HMG20A: variants seen among roughly 807,000 people sequenced by gnomAD.
The protein encoded by HMG20A is high mobility group protein 20A.
Under a neutral mutation model 43.9 loss-of-function variants are expected in HMG20A, and 17 were observed. The observed-to-expected ratio is 0.39, with a 90% CI of 0.27 to 0.58. HMG20A has a LOEUF of 0.58. HMG20A is among the 20% of genes least tolerant of loss of function. The pLI, the probability that HMG20A is intolerant of heterozygous loss-of-function variation, is 0.59. For synonymous variants in HMG20A, 132 were observed against 147.5 expected (o/e 0.89, Z 0.76); for missense variants, 341 against 438.2 (o/e 0.78, Z 1.98).
chr15:77,425,534 A>G (rs1329437994), intron 1 of HMG20A, among the ~76,000 whole-genome samples: 14 of 152,224 alleles, frequency 9.2e-5, no homozygotes, highest in Admixed American at 8.5e-4. Flanking sequence ...ATAAGCATAT[A>G]TTAAGCACCT....
chr15:77,464,745 G>C (rs1346596547), intron 3 of HMG20A: 1 of 172,984 alleles, frequency 5.8e-6, no homozygotes, highest in Non-Finnish European at 1.2e-5. Context: ...GGAGCCCTAT[G>C]TGCCCAAAGG....
chr15:77,507,680 G>A, the HMG20A span, among the ~76,000 whole-genome samples: 2 of 152,162 alleles, frequency 1.3e-5, no homozygotes, highest in African/African-American at 4.8e-5. Context: ...AGCGGGCAGG[G>A]GCAGTTTTAC....
chr15:77,451,127 A>G (rs760473757), intron 1 of HMG20A, among the ~76,000 whole-genome samples: 8 of 152,192 alleles, frequency 5.3e-5, no homozygotes, highest in South Asian at 2.1e-4. Flanking sequence ...ATAATATTCT[A>G]TTATCTGAAT....
intron 1 of HMG20A, among the ~76,000 whole-genome samples, chr15:77,434,881 T>C (rs576615025): frequency 6.6e-6 from 1 of 152,272 alleles, no homozygotes; most frequent in Admixed American, 6.5e-5. Flanking sequence ...TGTTCCTAGG[T>C]ATACACCCAA....
the HMG20A span, among the ~76,000 whole-genome samples, chr15:77,498,689 T>A: frequency 6.6e-6 from 1 of 152,196 alleles, no homozygotes; most frequent in South Asian, 2.1e-4. Flanking sequence ...ATCTGTGAAA[T>A]GAAGATTTTA....
the HMG20A span, among the ~76,000 whole-genome samples, chr15:77,500,594 C>T: frequency 5.6e-5 from 8 of 143,580 alleles, no homozygotes; most frequent in African/African-American, 2.1e-4. Context: ...AAGTCCAGCT[C>T]TTGTGCTCTT....
At chr15:77,498,389 T>TG in the HMG20A span, among the ~76,000 whole-genome samples, 4 of 152,198 alleles carry the variant, frequency 2.6e-5, no homozygotes, top group East Asian at 7.7e-4. Flanking sequence ...TTGTATTTAA[T>TG]GGGGTGTTAA....
At chr15:77,510,818 G>A in the HMG20A span, among the ~76,000 whole-genome samples, 1 of 152,224 alleles carries the variant, frequency 6.6e-6, no homozygotes, top group African/African-American at 2.4e-5. Context: ...GAGCAGATGG[G>A]GCTGTTAAAA....
the HMG20A span, among the ~76,000 whole-genome samples, chr15:77,505,003 G>A: frequency 2.0e-5 from 3 of 152,298 alleles, no homozygotes; most frequent in Non-Finnish European, 4.4e-5. Flanking sequence ...ACTGAGGTTC[G>A]GGGTCATATG....
In HMG20A at chr15:77,471,028, A is replaced by C. The variant is rs938762766; in HGVS notation, c.569A>C (p.Lys190Thr). 3 of 1,611,630 alleles carry C rather than the reference A, an allele frequency of 1.9e-6. No homozygotes were observed. The highest frequency in any genetic ancestry group is 2.5e-6 in the Non-Finnish European group (3 of 1,179,308). ...SRKTQDRQKGKSHRQDAARQA... is the reference protein window; with the variant it reads ...SRKTQDRQKGTSHRQDAARQA... ...AAAACCCAGGACCGTCAGAAAGGCA[A>C]ATCTCATAGGCAAGGTATCAAAACC... The change falls in exon 5 of 10, where the codon AAA (lysine) becomes ACA (threonine). Residue 190 changes from lysine (K) to threonine (T), a missense_variant. Around this residue, in one of 3 missense-constraint regions of HMG20A, gnomAD observed 220 missense variants for 263.6 expected, o/e 0.83. Coordinates refer to ENST00000336216, the MANE Select transcript of HMG20A (RefSeq NM_001304504.2).
At chr15:77,516,752 G>A in the HMG20A span, among the ~76,000 whole-genome samples, 1 of 152,302 alleles carries the variant, frequency 6.6e-6, no homozygotes, top group South Asian at 2.1e-4. Flanking sequence ...GGAAGAAGGG[G>A]AGTGGGGTGT....
intron 1 of HMG20A, among the ~76,000 whole-genome samples, chr15:77,455,578 A>G (rs929333656): frequency 6.6e-6 from 1 of 152,082 alleles, no homozygotes; most frequent in Non-Finnish European, 1.5e-5. Flanking sequence ...AGTCCCCTCT[A>G]CTAGGTAACA....
intron 1 of HMG20A, among the ~76,000 whole-genome samples, chr15:77,446,378 A>G (rs1345821771): frequency 6.6e-6 from 1 of 152,158 alleles, no homozygotes; most frequent in African/African-American, 2.4e-5. Flanking sequence ...TTTGATGCCT[A>G]ACATAGTGAC....
Position 77,467,168 on chromosome 15 carries a change from A to G in HMG20A, c.311A>G (p.Lys104Arg). ...KKPLRDSNAP[K>R]SPLTGYVRFM... ...CCTCTTCGAGACAGCAATGCACCCAAATCCCCCCTTACAGGATATGTTCGG... is the reference window on the plus strand; with the variant it reads ...CCTCTTCGAGACAGCAATGCACCCAGATCCCCCCTTACAGGATATGTTCGG... The change falls in exon 4 of 10, where the codon AAA becomes AGA. Residue 104 changes from lysine to arginine, a missense_variant. Physicochemically the swap from Lys to Arg is conservative, Grantham distance 26. This residue lies in a region of HMG20A where 220 missense variants were observed against 263.6 expected (regional missense o/e 0.83). Coordinates refer to ENST00000336216, the MANE Select transcript of HMG20A (RefSeq NM_001304504.2). The G allele has an allele frequency of 6.2e-7, 1 of 1,614,112 alleles. No homozygotes were observed. The highest frequency in any genetic ancestry group is 8.5e-7 in the Non-Finnish European group (1 of 1,179,994).
At chr15:77,430,443 C>A (rs954398516) in intron 1 of HMG20A, among the ~76,000 whole-genome samples, 10 of 152,334 alleles carry the variant, frequency 6.6e-5, no homozygotes, top group African/African-American at 2.4e-4. Flanking sequence ...GCATCAGAGA[C>A]CTGCTGAGGC....
intron 1 of HMG20A, among the ~76,000 whole-genome samples, chr15:77,429,718 A>G (rs1249447799): frequency 6.6e-6 from 1 of 152,252 alleles, no homozygotes; most frequent in Non-Finnish European, 1.5e-5. Flanking sequence ...TCAACAATAT[A>G]ATAATGCCTA....
At chr15:77,459,971 T>G (rs2072690635) in intron 2 of HMG20A, among the ~76,000 whole-genome samples, 1 of 152,190 alleles carries the variant, frequency 6.6e-6, no homozygotes, top group Admixed American at 6.5e-5. Flanking sequence ...TAACTTTTAC[T>G]CTGAAGTGGG....
At chr15:77,506,088 A>C in the HMG20A span, among the ~76,000 whole-genome samples, 15 of 152,224 alleles carry the variant, frequency 9.9e-5, no homozygotes, top group East Asian at 2.3e-3. Flanking sequence ...AAAAAAAAAA[A>C]AAACCCTTTA....
At chr15:77,421,806 C>A (rs527322437) in intron 1 of HMG20A, among the ~76,000 whole-genome samples, 1 of 152,266 alleles carries the variant, frequency 6.6e-6, no homozygotes, top group East Asian at 1.9e-4. Flanking sequence ...GCTTCTTCAG[C>A]CTTAAAAATT....
Sources: gnomAD v4.1 joint callset for allele counts (sites outside exome capture counted in the v4.1 genomes callset) on GRCh38, gnomAD v4.1.1 for gene constraint, gnomAD v4.1.1 regional missense constraint, MANE v1.5 for transcripts, NCBI Gene and HGNC (gene_info 2026-07-23, HGNC 2026-07-21) for gene names.